Variants in PIGK observed in about 807,000 individuals in gnomAD.
PIGK encodes GPI-anchor transamidase.
A neutral mutation model predicts 50.6 loss-of-function variants in PIGK; 42 were observed. The observed-to-expected ratio is 0.83, with a 90% CI of 0.65 to 1.07. The LOEUF (loss-of-function observed/expected upper bound fraction) is 1.07. Among genes scored for constraint, PIGK ranks in the 50% least tolerant of loss-of-function variants. PIGK has a pLI of 0.00. For synonymous variants in PIGK, 151 were observed against 156.0 expected, an observed-to-expected ratio of 0.97 and a Z score of 0.24; for missense variants, 448 against 488.7, an observed-to-expected ratio of 0.92 and a Z score of 0.78.
intron 2 of PIGK, among the ~76,000 whole-genome samples, chr1:77,207,647 T>C (rs1656319038): frequency 6.6e-6 from 1 of 152,144 alleles, no homozygotes; most frequent in Non-Finnish European, 1.5e-5. Context: ...ATTCCATGCC[T>C]CAAAAGTTAG....
At chr1:77,205,994 T>C (rs12562725) in intron 3 of PIGK, among the ~76,000 whole-genome samples, 53,121 of 151,966 alleles carry the variant, frequency 0.35, 10,105 homozygotes, top group East Asian at 0.44. Flanking sequence ...GTGCTGAACC[T>C]AGACTTTACC....
At chr1:77,151,934 GATCT>G (rs1324551111) in intron 9 of PIGK, among the ~76,000 whole-genome samples, 1 of 151,872 alleles carries the variant, frequency 6.6e-6, no homozygotes, top group Non-Finnish European at 1.5e-5. Context: ...TATATTTATT[GATCT>G]ATACATATGC....
intron 10 of PIGK, among the ~76,000 whole-genome samples, chr1:77,094,432 T>A (rs560900116): frequency 6.6e-6 from 1 of 152,278 alleles, no homozygotes; most frequent in South Asian, 2.1e-4. Flanking sequence ...GTTCCATAAA[T>A]CCAATTAATG....
chr1:77,106,359 T>C (rs1364618055), intron 10 of PIGK, among the ~76,000 whole-genome samples: 6 of 152,194 alleles, frequency 3.9e-5, no homozygotes, highest in African/African-American at 1.4e-4. Context: ...TGTGCTTAAA[T>C]GAAATCACTC....
intron 3 of PIGK, among the ~76,000 whole-genome samples, chr1:77,175,773 T>C (rs192461407): frequency 1.7e-4 from 26 of 152,236 alleles, no homozygotes; most frequent in African/African-American, 6.3e-4. Context: ...AAAGTGAACA[T>C]TTAAAAAAAA....
chr1:77,143,350 ATTG>A (rs998359126), intron 9 of PIGK, among the ~76,000 whole-genome samples: 2 of 152,096 alleles, frequency 1.3e-5, no homozygotes, highest in Non-Finnish European at 1.5e-5. Context: ...AAACTTCCAT[ATTG>A]TTAGGTTTTT....
intron 3 of PIGK, among the ~76,000 whole-genome samples, chr1:77,183,017 C>G (rs1310963691): frequency 6.6e-6 from 1 of 152,176 alleles, no homozygotes; most frequent in Non-Finnish European, 1.5e-5. Context: ...CTCCCATCTG[C>G]TAAGATTGCC....
chr1:77,122,431 G>A, intron 9 of PIGK, 72 bp from the exon 10 acceptor site: 1 of 810,262 alleles, frequency 1.2e-6, no homozygotes, highest in South Asian at 1.5e-5. Flanking sequence ...ATTTAAATAT[G>A]TCAAATATGA....
At chr1:77,186,661 A>C (rs1223441014) in intron 3 of PIGK, among the ~76,000 whole-genome samples, 1 of 152,212 alleles carries the variant, frequency 6.6e-6, no homozygotes, top group East Asian at 1.9e-4. Context: ...GACATCACTC[A>C]GCCTGTTTCC....
At chr1:77,114,769 G>T (rs553517568) in intron 10 of PIGK, among the ~76,000 whole-genome samples, 17 of 152,244 alleles carry the variant, frequency 1.1e-4, no homozygotes, top group African/African-American at 4.1e-4. Flanking sequence ...GATATTAAGA[G>T]ATTAGCCCAT....
intron 10 of PIGK, among the ~76,000 whole-genome samples, chr1:77,104,045 C>T (rs959809230): frequency 6.7e-6 from 1 of 148,414 alleles, no homozygotes; most frequent in Non-Finnish European, 1.5e-5. Context: ...AAAAAGACTA[C>T]TCTGGATCTG....
intron 9 of PIGK, among the ~76,000 whole-genome samples, chr1:77,126,027 C>T (rs563080710): frequency 4.6e-5 from 7 of 152,066 alleles, no homozygotes; most frequent in African/African-American, 1.4e-4. Flanking sequence ...TTTACTTTCC[C>T]GAGTTCAGTC....
intron 5 of PIGK, among the ~76,000 whole-genome samples, chr1:77,165,081 T>C (rs1178809513): frequency 1.3e-5 from 2 of 152,102 alleles, no homozygotes; most frequent in Non-Finnish European, 2.9e-5. Flanking sequence ...GATGCAACTG[T>C]GTTTCAATAA....
chr1:77,109,795 C>T (rs957905768), intron 10 of PIGK, among the ~76,000 whole-genome samples: 10 of 152,172 alleles, frequency 6.6e-5, no homozygotes, highest in Non-Finnish European at 1.3e-4. Flanking sequence ...AAAGGGTATT[C>T]AATTAGGAAA....
At position 77,196,133 on chromosome 1, in the gene PIGK, C is replaced by G. The variant is rs571653863; in HGVS notation, c.239+10507G>C. ...CTTAGTAAAATGGCCTCCAGCTGTACGCATGTAGCTGGAAAGGACATGATC... is the reference window on the plus strand; with the variant it reads ...CTTAGTAAAATGGCCTCCAGCTGTAGGCATGTAGCTGGAAAGGACATGATC... On this transcript the variant is annotated intron_variant, in intron 3 of 10. Coordinates refer to ENST00000370812, the MANE Select transcript of PIGK (RefSeq NM_005482.3). Among the ~76,000 whole-genome samples the G allele has an allele frequency of 2.6e-5, 4 of 152,170 alleles. No individual in the cohort carries two copies. The South Asian group carries it at 6.2e-4, about 24-fold the overall frequency.
At chr1:77,136,329 A>G in intron 9 of PIGK, among the ~76,000 whole-genome samples, 1 of 151,896 alleles carries the variant, frequency 6.6e-6, no homozygotes, top group Non-Finnish European at 1.5e-5. Context: ...GGAGATCGAG[A>G]CCATCCCGGC....
chr1:77,193,737 T>C (rs1384151614), intron 3 of PIGK, among the ~76,000 whole-genome samples: 1 of 152,094 alleles, frequency 6.6e-6, no homozygotes, highest in East Asian at 1.9e-4. Context: ...TCACTAAAGC[T>C]AGATCAAGAA....
chr1:77,140,894 T>C (rs527571677), intron 9 of PIGK, among the ~76,000 whole-genome samples: 2 of 152,316 alleles, frequency 1.3e-5, no homozygotes, highest in Non-Finnish European at 2.9e-5. Flanking sequence ...TGCTTATGCA[T>C]AGCAATTACA....
chr1:77,115,985 G>A (rs1265026734), intron 10 of PIGK, among the ~76,000 whole-genome samples: 1 of 152,180 alleles, frequency 6.6e-6, no homozygotes, highest in Non-Finnish European at 1.5e-5. Flanking sequence ...TAAGAACACA[G>A]TGGGGAAAAC....
Sources: gnomAD v4.1 joint callset for allele counts (sites outside exome capture counted in the v4.1 genomes callset) on GRCh38, gnomAD v4.1.1 for gene constraint, MANE v1.5 for transcripts, NCBI Gene and HGNC (gene_info 2026-07-23, HGNC 2026-07-21) for gene names.